Variants in OR7E24 observed in about 807,000 individuals in gnomAD.
OR7E24 encodes olfactory receptor family 7 subfamily E member 24.
For synonymous variants in OR7E24, 130 were observed against 157.5 expected, an observed-to-expected ratio of 0.83 and a Z score of 1.31; for missense variants, 385 against 410.3, an observed-to-expected ratio of 0.94 and a Z score of 0.53.
At chr19:9,225,286 C>T in the OR7E24 span, among the ~76,000 whole-genome samples, 10 of 151,976 alleles carry the variant, frequency 6.6e-5, no homozygotes, top group Non-Finnish European at 1.5e-4. Flanking sequence ...AAGAGAACTG[C>T]TTGAACCTGG....
At chr19:9,250,097 T>C (rs1313730178), upstream of OR7E24, among the ~76,000 whole-genome samples, 1 of 152,152 alleles carries the variant, frequency 6.6e-6, no homozygotes, top group Non-Finnish European at 1.5e-5. Context: ...TTCCTTTTAA[T>C]TACTTATTGA....
upstream of OR7E24, among the ~76,000 whole-genome samples, chr19:9,246,196 A>G (rs1219040994): frequency 6.8e-6 from 1 of 147,480 alleles, no homozygotes; most frequent in Non-Finnish European, 1.5e-5. Flanking sequence ...CAGTCTCCCA[A>G]GTAGCTGGGA....
At position 9,251,013 on chromosome 19, in the gene OR7E24, T is replaced by C. The variant is rs1413379730; in HGVS notation, c.-31T>C. The C allele has an allele frequency of 6.8e-7, 1 of 1,479,260 alleles. No homozygotes were observed. Among genetic ancestry groups the C allele is most frequent in the Non-Finnish European group, 9.0e-7 (1 of 1,106,170 alleles). The allele number at this position is 1,479,260 out of a possible 1,614,324, so 91.6% of individuals were successfully genotyped here. ...ATTTCTTAATTGCTTGTATCCAAAA[T>C]ATAGACACAGTGCTAGATGCTGGTT... On this transcript the variant is annotated 5_prime_UTR_variant, in exon 1 of 1. Coordinates refer to ENST00000456448, the MANE Select transcript of OR7E24 (RefSeq NM_001079935.2).
the OR7E24 span, among the ~76,000 whole-genome samples, chr19:9,217,355 GA>G: frequency 3.3e-5 from 5 of 151,802 alleles, no homozygotes; most frequent in East Asian, 1.9e-4. Context: ...TTTGAGGTTT[GA>G]AAAAAAATTT....
chr19:9,251,064 CT>C (rs201985790), intron 1 of OR7E24: 15,980 of 1,074,790 alleles, frequency 0.015, 21 homozygotes, highest in East Asian at 0.054. Context: ...TTCCAATTCT[CT>C]TTTTTTTTTT....
At chr19:9,247,408 C>T (rs2066133454), upstream of OR7E24, 3 of 398,494 alleles carry the variant, frequency 7.5e-6, no homozygotes, top group Admixed American at 8.8e-5. Flanking sequence ...CTGACCCTGT[C>T]TTCCTGCCAG....
the OR7E24 span, among the ~76,000 whole-genome samples, chr19:9,220,601 T>A: frequency 6.6e-6 from 1 of 152,234 alleles, no homozygotes; most frequent in African/African-American, 2.4e-5. Context: ...ATTTTCTTTA[T>A]CCATTCATTT....
the OR7E24 span, chr19:9,214,456 G>T: frequency 6.2e-7 from 1 of 1,614,150 alleles, no homozygotes. Context: ...TGCAGTGGGT[G>T]GCAGATGGCC....
the OR7E24 span, among the ~76,000 whole-genome samples, chr19:9,223,791 G>C: frequency 6.7e-6 from 1 of 149,548 alleles, no homozygotes; most frequent in Non-Finnish European, 1.5e-5. Flanking sequence ...ATGGACCCTA[G>C]GTACAAGCTA....
chr19:9,212,618 A>G, the OR7E24 span: 1 of 152,196 alleles, frequency 6.6e-6, no homozygotes, highest in Admixed American at 6.5e-5. Flanking sequence ...GTGGGCTTAT[A>G]GGGCTTGTAT....
the OR7E24 span, chr19:9,214,174 C>T: frequency 1.5e-5 from 25 of 1,613,988 alleles, no homozygotes; most frequent in Non-Finnish European, 1.8e-5. Flanking sequence ...AAGGAGGAGA[C>T]AATCTGAGAG....
chr19:9,216,295 T>G, the OR7E24 span, among the ~76,000 whole-genome samples: 1 of 152,202 alleles, frequency 6.6e-6, no homozygotes, highest in Non-Finnish European at 1.5e-5. Flanking sequence ...GTTCTTCTGA[T>G]GAAGAGGTTG....
the OR7E24 span, chr19:9,213,210 T>A: frequency 6.6e-6 from 1 of 152,156 alleles, no homozygotes; most frequent in Non-Finnish European, 1.5e-5. Flanking sequence ...AACATCAACA[T>A]TCAACAGGAT....
the OR7E24 span, among the ~76,000 whole-genome samples, chr19:9,241,050 C>T: frequency 6.6e-6 from 1 of 152,128 alleles, no homozygotes; most frequent in African/African-American, 2.4e-5. Context: ...CTCCTGACCT[C>T]AAGTGATCCA....
the OR7E24 span, among the ~76,000 whole-genome samples, chr19:9,237,002 C>T: frequency 9.9e-5 from 15 of 152,142 alleles, no homozygotes; most frequent in African/African-American, 3.1e-4. Flanking sequence ...GAGTTGAGGT[C>T]GGCTATATCA....
the OR7E24 span, among the ~76,000 whole-genome samples, chr19:9,221,633 G>C: frequency 6.6e-6 from 1 of 152,004 alleles, no homozygotes; most frequent in African/African-American, 2.4e-5. Context: ...TTACAGGCGT[G>C]AGCCACCGCG....
chr19:9,243,594 C>A (rs887842359), upstream of OR7E24, among the ~76,000 whole-genome samples: 4 of 152,106 alleles, frequency 2.6e-5, no homozygotes, highest in African/African-American at 9.7e-5. Context: ...TAGGTGTGAA[C>A]CACTGCACCT....
upstream of OR7E24, among the ~76,000 whole-genome samples, chr19:9,245,221 GAAAA>G (rs140870634): frequency 1.4e-5 from 2 of 143,384 alleles, no homozygotes; most frequent in Non-Finnish European, 3.1e-5. Context: ...TCTCAATAAA[GAAAA>G]AAAAAAATTG....
chr19:9,222,739 T>C, the OR7E24 span, among the ~76,000 whole-genome samples: 1 of 152,316 alleles, frequency 6.6e-6, no homozygotes, highest in Middle Eastern at 3.4e-3. Context: ...TCATGTCATC[T>C]GCAAACAGGG....
Sources: allele counts gnomAD v4.1 joint callset (sites outside exome capture counted in the v4.1 genomes callset), GRCh38; gene constraint gnomAD v4.1.1; transcripts MANE v1.5; gene names NCBI Gene and HGNC (gene_info 2026-07-23, HGNC 2026-07-21).